ADAMTSL1: variants seen among roughly 807,000 people sequenced by gnomAD.
ADAMTSL1 encodes the protein ADAMTS like 1, also known as ADAMTS-like protein 1.
In ADAMTSL1, 126 loss-of-function variants were observed where a neutral mutation model predicts 201.8. The ratio of observed to expected loss-of-function variants is 0.62; its 90% CI spans 0.54 to 0.72. The LOEUF (loss-of-function observed/expected upper bound fraction) is 0.72. ADAMTSL1 is among the 30% of genes least tolerant of loss of function. The pLI is 0.00. For synonymous variants in ADAMTSL1, 1,121 were observed against 903.4 expected, an observed-to-expected ratio of 1.24 and a Z score of -4.32; for missense variants, 2,679 against 2,277.8, an observed-to-expected ratio of 1.18 and a Z score of -3.59.
At chr9:17,940,812 C>A (rs868524919) in intron 1 of ADAMTSL1, among the ~76,000 whole-genome samples, 1,744 of 20,278 alleles carry the variant, frequency 0.086, 261 homozygotes, top group African/African-American at 0.2. Flanking sequence ...ACCCCCCCCC[C>A]AAAAAAAAGA....
chr9:18,358,802 A>G (rs1382697305), intron 2 of ADAMTSL1, among the ~76,000 whole-genome samples: 1 of 152,108 alleles, frequency 6.6e-6, no homozygotes, highest in East Asian at 1.9e-4. Context: ...TTATTTCCTT[A>G]TCTTGGCTCT....
chr9:18,712,291 A>C (rs1349808925), intron 14 of ADAMTSL1, among the ~76,000 whole-genome samples: 1 of 152,228 alleles, frequency 6.6e-6, no homozygotes, highest in African/African-American at 2.4e-5. Flanking sequence ...CAGACAATCA[A>C]ATTACTCCGA....
At chr9:18,499,448 C>T (rs1192284834) in intron 1 of ADAMTSL1, among the ~76,000 whole-genome samples, 1 of 152,126 alleles carries the variant, frequency 6.6e-6, no homozygotes, top group South Asian at 2.1e-4. Context: ...TTTATAGAGA[C>T]CTGATGTGGG....
intron 1 of ADAMTSL1, among the ~76,000 whole-genome samples, chr9:18,079,882 C>T (rs531095973): frequency 4.6e-5 from 7 of 151,930 alleles, no homozygotes; most frequent in Non-Finnish European, 1.0e-4. Context: ...AGAATCCCAG[C>T]TGGACAAAAA....
chr9:17,993,229 A>G (rs891266667), intron 1 of ADAMTSL1, among the ~76,000 whole-genome samples: 1 of 152,198 alleles, frequency 6.6e-6, no homozygotes, highest in African/African-American at 2.4e-5. Flanking sequence ...AGAAGGGTGT[A>G]GCACACATCT....
At chr9:18,234,722 A>T (rs1830771865) in intron 2 of ADAMTSL1, among the ~76,000 whole-genome samples, 1 of 152,180 alleles carries the variant, frequency 6.6e-6, no homozygotes. Flanking sequence ...TTTAAAATGT[A>T]ACAAAATATT....
intron 14 of ADAMTSL1, among the ~76,000 whole-genome samples, chr9:18,713,337 G>C (rs202087558): frequency 6.6e-6 from 1 of 152,180 alleles, no homozygotes; most frequent in Admixed American, 6.5e-5. Context: ...CCATCAGTGT[G>C]CAGTATTCAG....
At chr9:17,938,008 T>A (rs1827084839) in intron 1 of ADAMTSL1, among the ~76,000 whole-genome samples, 1 of 152,134 alleles carries the variant, frequency 6.6e-6, no homozygotes, top group Non-Finnish European at 1.5e-5. Context: ...TAAGCATAAA[T>A]GAATCAGAAA....
intron 1 of ADAMTSL1, among the ~76,000 whole-genome samples, chr9:18,132,924 C>T (rs879593643): frequency 5.3e-5 from 8 of 152,100 alleles, no homozygotes; most frequent in South Asian, 2.1e-4. Context: ...CCAAGGATTA[C>T]GGAGATAGCG....
At chr9:18,335,339 T>A (rs1295334298) in intron 2 of ADAMTSL1, among the ~76,000 whole-genome samples, 2 of 152,172 alleles carry the variant, frequency 1.3e-5, no homozygotes, top group Admixed American at 6.5e-5. Flanking sequence ...TTATTTTTAC[T>A]TTTGTAGAGA....
chr9:18,141,149 T>G (rs1230965364), intron 1 of ADAMTSL1, among the ~76,000 whole-genome samples: 1 of 152,198 alleles, frequency 6.6e-6, no homozygotes, highest in Non-Finnish European at 1.5e-5. Flanking sequence ...TCAGAGCAGA[T>G]TCCTGCCCTC....
rs571339802 is a variant in ADAMTSL1 at position 18,761,127 on chromosome 9, A to T, written c.2217+7619A>T. ...GTGAAGTGAGTTGGAAGTTGTAAGCAGAGTGCAGAGTCCATTATGTTAAAT... is the reference window on the plus strand; with the variant it reads ...GTGAAGTGAGTTGGAAGTTGTAAGCTGAGTGCAGAGTCCATTATGTTAAAT... On this transcript the variant is annotated intron_variant, in intron 16 of 28. Coordinates refer to ENST00000380548, the MANE Select transcript of ADAMTSL1 (RefSeq NM_001040272.6). 2.0e-5 allele frequency among the ~76,000 whole-genome samples: 3 copies of T among 152,382 alleles called. No homozygotes were observed. The South Asian group carries it at 6.2e-4, about 32-fold the overall frequency.
intron 23 of ADAMTSL1, among the ~76,000 whole-genome samples, chr9:18,868,489 G>C (rs1827680584): frequency 6.6e-6 from 1 of 152,188 alleles, no homozygotes. Flanking sequence ...ATGTTTTTAA[G>C]CATAGTTAGA....
At chr9:18,214,400 C>G (rs184592138) in intron 2 of ADAMTSL1, among the ~76,000 whole-genome samples, 29 of 152,246 alleles carry the variant, frequency 1.9e-4, no homozygotes, top group African/African-American at 6.3e-4. Flanking sequence ...TTCTTTGGAA[C>G]AATTCAGAGA....
At chr9:18,093,586 G>A (rs1304892743) in intron 1 of ADAMTSL1, among the ~76,000 whole-genome samples, 1 of 152,118 alleles carries the variant, frequency 6.6e-6, no homozygotes, top group Admixed American at 6.6e-5. Flanking sequence ...TAAGCTGAGA[G>A]GTTATTAAGA....
chr9:18,736,410 AG>A (rs1818503131), intron 15 of ADAMTSL1, among the ~76,000 whole-genome samples: 1 of 152,232 alleles, frequency 6.6e-6, no homozygotes, highest in Non-Finnish European at 1.5e-5. Flanking sequence ...AGGCACACCT[AG>A]AAACACCTTA....
At chr9:18,792,609 A>G (rs1212132886) in intron 19 of ADAMTSL1, among the ~76,000 whole-genome samples, 1 of 152,220 alleles carries the variant, frequency 6.6e-6, no homozygotes, top group Non-Finnish European at 1.5e-5. Context: ...TCTCAGTTCT[A>G]TTGAAACTTG....
rs1018467452 is a variant in ADAMTSL1 at position 18,887,882 on chromosome 9, G to A, written c.4301G>A (p.Gly1434Asp). The A allele has an allele frequency of 6.2e-7, 1 of 1,613,910 alleles. No homozygotes were observed. Residue 1434 changes from glycine (G) to aspartate (D), a missense_variant, in exon 24 of 29, where the codon GGT becomes GAT. Transcript: ENST00000380548. The part of the protein sequence containing the change: ...PVPNITWFHG[G>D]QPIVTATGLT... ...CCTAATATCACCTGGTTTCATGGTG[G>A]TCAGCCAATTGTCACTGCCACAGGA...
intron 23 of ADAMTSL1, among the ~76,000 whole-genome samples, chr9:18,880,202 C>T (rs1828440380): frequency 6.6e-6 from 1 of 152,166 alleles, no homozygotes; most frequent in Non-Finnish European, 1.5e-5. Flanking sequence ...CTAGAATCAA[C>T]CTCTCCCAAA....
Sources: allele counts gnomAD v4.1 joint callset (sites outside exome capture counted in the v4.1 genomes callset), GRCh38; gene constraint gnomAD v4.1.1; transcripts MANE v1.5; gene names NCBI Gene and HGNC (gene_info 2026-07-23, HGNC 2026-07-21).